The following POM121 variants were observed in gnomAD, a reference collection of about 807,000 sequenced individuals.
POM121 encodes nuclear envelope pore membrane protein POM 121.
POM121 carries 32 observed loss-of-function variants against 81.3 expected under a neutral mutation model. The observed-to-expected ratio is 0.39, with a 90% CI of 0.30 to 0.53. The LOEUF is 0.53. POM121 is among the 20% of genes least tolerant of loss of function. The pLI, the probability that POM121 is intolerant of heterozygous loss-of-function variation, is 0.66. For missense variants in POM121, 1,138 were observed against 1,614.6 expected (o/e 0.70, Z 5.06); for synonymous variants, 514 against 694.2 (o/e 0.74, Z 4.08).
At chr7:72,904,383 G>A (rs1198896989) in intron 3 of POM121, among the ~76,000 whole-genome samples, 1 of 152,202 alleles carries the variant, frequency 6.6e-6, no homozygotes, top group East Asian at 1.9e-4. Flanking sequence ...AGTGGGGTAT[G>A]CATTTGATTT....
intron 3 of POM121, among the ~76,000 whole-genome samples, chr7:72,912,921 G>A (rs1447754311): frequency 2.0e-5 from 3 of 152,102 alleles, no homozygotes; most frequent in East Asian, 1.9e-4. Context: ...CAGCCATGTC[G>A]AAATTGTGTC....
chr7:72,930,048 C>T lies in POM121; in HGVS notation c.1212C>T (p.Gly404=), dbSNP rs782163645. The change falls in exon 5 of 13, where the codon GGC becomes GGT. Residue 404 remains glycine, a synonymous_variant. Transcript: ENST00000434423. ...CCTTGACAGGCGCTTACGCAAGTGG[C>T]ATCCCTAGCTCCAGCCGCAATGCCA... ...MSSLTGAYAS[G]IPSSSRNAIT... 3.1e-6 allele frequency: 5 copies of T among 1,614,004 alleles called. No individual in the cohort carries two copies. In the Admixed American group the frequency reaches 8.3e-5, roughly 27 times the overall value.
In POM121 at chr7:72,925,662, C is replaced by T; in HGVS notation, c.541C>T (p.Pro181Ser). The change falls in exon 1 of 13, where the codon CCG becomes TCG. Residue 181 changes from proline (P) to serine (S), a missense_variant. Pro to Ser is a moderately conservative substitution (Grantham distance 74, BLOSUM62 -1). Coordinates refer to ENST00000434423, the MANE Select transcript of POM121 (RefSeq NM_001387691.1). Reference sequence around the variant, plus strand: ...GCGCTCCCCACCGCCGCGCTCCCCACCGCCGCGCTCCCCCCCGCCCTCCCC... The same window carrying T: ...GCGCTCCCCACCGCCGCGCTCCCCATCGCCGCGCTCCCCCCCGCCCTCCCC... Reference protein sequence around the residue: ...APRSPPPRSPPPRSPPPSPPT... With the variant: ...APRSPPPRSPSPRSPPPSPPT... The T allele has an allele frequency of 8.2e-7, 1 of 1,216,140 alleles. No homozygotes were observed. The highest frequency in any genetic ancestry group is 1.0e-6 in the Non-Finnish European group (1 of 982,570). The allele number at this position is 1,216,140 out of a possible 1,614,324, so 75.3% of individuals were successfully genotyped here.
rs1278843709 is a variant in POM121 at position 72,939,856 on chromosome 7, C to T, written c.1451C>T (p.Thr484Ile). ...RESQGEKAAD[T>I]TPRKKQNSNS... ...TGATTTCTTTCTTTAGCTGCAGATA[C>T]AACCCCAAGGAAGAAACAAAACTCG... The change falls in exon 8 of 13, where the codon ACA (threonine) becomes ATA (isoleucine). Residue 484 changes from threonine (T) to isoleucine (I), a missense_variant. Transcript: ENST00000434423. 4 of 1,610,674 alleles carry T rather than the reference C, an allele frequency of 2.5e-6. No individual in the cohort carries two copies. Among genetic ancestry groups the T allele is most frequent in the Non-Finnish European group, 2.5e-6 (3 of 1,179,060 alleles).
chr7:72,905,432 G>A (rs1490847882), intron 3 of POM121, among the ~76,000 whole-genome samples: 1 of 152,184 alleles, frequency 6.6e-6, no homozygotes, highest in Non-Finnish European at 1.5e-5. Flanking sequence ...GGCTGGGCAT[G>A]GTGGCTCACA....
At chr7:72,931,733 G>C (rs1325120250) in intron 5 of POM121, among the ~76,000 whole-genome samples, 1 of 152,066 alleles carries the variant, frequency 6.6e-6, no homozygotes, top group African/African-American at 2.4e-5. Flanking sequence ...ACCATGCCCA[G>C]CTAATTTTTG....
Position 72,890,961 on chromosome 7 carries a change from G to A in POM121, c.-365G>A, listed in dbSNP as rs183889619. 6.3e-5 allele frequency: 85 copies of A among 1,353,398 alleles called. No individual in the cohort carries two copies. The African/African-American group carries it at 9.2e-4, about 15-fold the overall frequency. The allele number at this position is 1,353,398 out of a possible 1,614,324, so 83.8% of individuals were successfully genotyped here. ...ATGAGGTGGCAACATCTTGTACTTC[G>A]GAGATCTGAAGCCGAGCAACTTGCC... On this transcript the variant is annotated 5_prime_UTR_variant, in exon 3 of 16. Transcript: ENST00000395270.
chr7:72,893,359 G>A (rs1377212942), intron 3 of POM121, among the ~76,000 whole-genome samples: 16 of 152,034 alleles, frequency 1.1e-4, no homozygotes, highest in Middle Eastern at 3.4e-3. Flanking sequence ...CGAGGCGGGC[G>A]GATCACGAGG....
chr7:72,931,689 G>A (rs1188602272), intron 5 of POM121, among the ~76,000 whole-genome samples: 2 of 151,590 alleles, frequency 1.3e-5, no homozygotes, highest in African/African-American at 4.9e-5. Context: ...TCCTGCCTCA[G>A]CCTCCCAAGT....
chr7:72,950,345 T>G, downstream of POM121: 1 of 830,140 alleles, frequency 1.2e-6, no homozygotes, highest in Non-Finnish European at 1.9e-6. Context: ...GTTGAGGGAA[T>G]GGGTTGTCAA....
At position 72,901,879 on chromosome 7, in the gene POM121, G is replaced by A. The variant is rs374778773; in HGVS notation, c.-216+10769G>A. Among the ~76,000 whole-genome samples, 598 of 152,002 alleles carry A rather than the reference G, an allele frequency of 3.9e-3. 3 individuals carry two copies. The highest frequency in any genetic ancestry group is 0.013 in the African/African-American group (549 of 41,516). On this transcript the variant is annotated intron_variant, in intron 3 of 15. Transcript: ENST00000395270. ...TATAATCCCAGCACTTTGGGAGGCC[G>A]AGGCGAGCAGATCACCTGAGGTCAG...
intron 1 of POM121, among the ~76,000 whole-genome samples, chr7:72,884,485 T>C (rs1336068915): frequency 0.015 from 624 of 40,950 alleles, 12 homozygotes; most frequent in African/African-American, 0.06. Flanking sequence ...AATATATACA[T>C]ATAATATATA....
At chr7:72,909,892 C>T (rs1554493987) in intron 3 of POM121, among the ~76,000 whole-genome samples, 1 of 152,200 alleles carries the variant, frequency 6.6e-6, no homozygotes, top group Non-Finnish European at 1.5e-5. Context: ...AGTGTTCCTC[C>T]CATCTCGGCC....
At position 72,894,626 on chromosome 7, in the gene POM121, G is replaced by GGAGAGAGAGAGAGAGAAAGAGAGAGA. The variant is rs1791686626; in HGVS notation, c.-216+3532_-216+3533insAAGAGAGAGAGAGAGAGAGAGAGAGA. 1.2e-3 allele frequency among the ~76,000 whole-genome samples: 29 copies of GGAGAGAGAGAGAGAGAAAGAGAGAGA among 23,340 alleles called. 6 individuals carry two copies. Among genetic ancestry groups the GGAGAGAGAGAGAGAGAAAGAGAGAGA allele is most frequent in the African/African-American group, 2.8e-3 (26 of 9,408 alleles). The allele number at this position is 23,340 out of a possible 152,430, so 15.3% of individuals were successfully genotyped here. On this transcript the variant is annotated intron_variant, in intron 3 of 15. Coordinates refer to the POM121 transcript ENST00000395270. ...GAGAGAGAGAGAGATGAGAGAGAGA[G>GGAGAGAGAGAGAGAGAAAGAGAGAGA]GAGAGAGAGAGAGAGAGAGAGAGAG...
At chr7:72,908,666 G>A (rs1254838131) in intron 3 of POM121, among the ~76,000 whole-genome samples, 2 of 152,092 alleles carry the variant, frequency 1.3e-5, no homozygotes, top group East Asian at 1.9e-4. Flanking sequence ...TTCCCAGAGC[G>A]GCCATTTTAG....
intron 1 of POM121, among the ~76,000 whole-genome samples, chr7:72,881,346 C>T (rs1413005138): frequency 2.0e-5 from 3 of 149,890 alleles, no homozygotes; most frequent in African/African-American, 7.4e-5. Context: ...CCCTGTATCA[C>T]TCTTTTAGAC....
At chr7:72,933,606 A>G in intron 5 of POM121, among the ~76,000 whole-genome samples, 1 of 152,188 alleles carries the variant, frequency 6.6e-6, no homozygotes, top group Non-Finnish European at 1.5e-5. Flanking sequence ...CAGGCTCCTC[A>G]CGCGTTGCTG....
chr7:72,925,204 G>C lies in POM121; in HGVS notation c.83G>C (p.Cys28Ser), dbSNP rs1554496862. 14 of 1,524,300 alleles carry C rather than the reference G, an allele frequency of 9.2e-6. No individual in the cohort carries two copies. Among genetic ancestry groups the C allele is most frequent in the Non-Finnish European group, 1.1e-5 (13 of 1,142,452 alleles). 94.4% of individuals were successfully genotyped at this position (1,524,300 alleles called of 1,614,324 possible). A position where few individuals can be genotyped will look rare whatever the true frequency, so the allele number is the denominator to read the frequency against. ...GTCAGGGACGGCCGGGGCCGGGGCTGCGGCGGGCCGGCCAGGGCGGTGCTC... is the reference window on the plus strand; with the variant it reads ...GTCAGGGACGGCCGGGGCCGGGGCTCCGGCGGGCCGGCCAGGGCGGTGCTC... The part of the protein sequence containing the change: ...ASVRDGRGRG[C>S]GGPARAVLLG... The change falls in exon 1 of 13, where the codon TGC (cysteine) becomes TCC (serine). Residue 28 changes from cysteine (C) to serine (S), a missense_variant. Physicochemically the swap from Cys to Ser is moderately radical, Grantham distance 112. Transcript: ENST00000434423.
chr7:72,921,955 C>A (rs1563151054), upstream of POM121, among the ~76,000 whole-genome samples: 1 of 152,210 alleles, frequency 6.6e-6, no homozygotes, highest in East Asian at 1.9e-4. Flanking sequence ...TACTTCTTCA[C>A]CCTTATTTTT....
Sources: allele counts gnomAD v4.1 joint callset (sites outside exome capture counted in the v4.1 genomes callset), GRCh38; gene constraint gnomAD v4.1.1; transcripts MANE v1.5; gene names NCBI Gene and HGNC (gene_info 2026-07-23, HGNC 2026-07-21).